The following CELSR2 variants were observed in gnomAD, a reference collection of about 807,000 sequenced individuals.
CELSR2 encodes EGF-like protein 2.
In CELSR2, 81 loss-of-function variants were observed where a neutral mutation model predicts 251.6. The ratio of observed to expected loss-of-function variants is 0.32; its 90% CI spans 0.27 to 0.39. The LOEUF (loss-of-function observed/expected upper bound fraction) is 0.39, where lower values mean the gene tolerates loss of function less well. Ranked by LOEUF, CELSR2 falls within the 10% of genes least tolerant of loss-of-function variation. CELSR2 has a pLI of 1.00. For synonymous variants in CELSR2, 1,721 were observed against 1,670.5 expected (o/e 1.03, Z -0.74); for missense variants, 3,365 against 3,947.7 (o/e 0.85, Z 3.96).
chr1:109,253,380 C>G lies in CELSR2; in HGVS notation c.3301C>G (p.Leu1101Val). The G allele has an allele frequency of 1.2e-6, 2 of 1,612,138 alleles. No individual in the cohort carries two copies. The highest frequency in any genetic ancestry group is 1.7e-6 in the Non-Finnish European group (2 of 1,179,670). ...GCCTCTGGAGGCCATCATGAGCGTGCTGGTGTCAGGTAAGGAAGGGCCCAG... is the reference window on the plus strand; with the variant it reads ...GCCTCTGGAGGCCATCATGAGCGTGGTGGTGTCAGGTAAGGAAGGGCCCAG... ...NRPLEAIMSV[L>V]VSDGVHSVTA... The change falls in exon 1 of 34, where the codon CTG (leucine) becomes GTG (valine). Residue 1101 changes from leucine to valine, a missense_variant. By Grantham distance (32) the Leu-to-Val change is conservative. Around this residue, in one of 5 missense-constraint regions of CELSR2, gnomAD observed 505 missense variants for 660.0 expected, o/e 0.77. Coordinates refer to ENST00000271332, the MANE Select transcript of CELSR2 (RefSeq NM_001408.3).
In CELSR2 at chr1:109,272,669, G is replaced by T. The variant is rs1422064505; in HGVS notation, c.8084G>T (p.Gly2695Val). The change falls in exon 30 of 34, where the codon GGG becomes GTG. Residue 2695 changes from glycine to valine, a missense_variant. Gly to Val is a moderately radical substitution (Grantham distance 109, BLOSUM62 -3). This residue lies in a region of CELSR2 where 2,093 missense variants were observed against 2,382.8 expected (regional missense o/e 0.88). Coordinates refer to ENST00000271332, the MANE Select transcript of CELSR2 (RefSeq NM_001408.3). ...REESALNPGQ[G>V]PPGLGDPGSL... ...GAGTCCGCACTGAACCCTGGCCAAG[G>T]GCCCCCTGGCCTGGGGGATCCAGGC... 2 of 1,613,606 alleles carry T rather than the reference G, an allele frequency of 1.2e-6. No individual in the cohort carries two copies. Among genetic ancestry groups the T allele is most frequent in the East Asian group, 2.2e-5 (1 of 44,902 alleles).
At position 109,273,190 on chromosome 1, in the gene CELSR2, C is replaced by T. The variant is rs781001761; in HGVS notation, c.8363C>T (p.Ala2788Val). 1 of 1,613,036 alleles carries T rather than the reference C, an allele frequency of 6.2e-7. No individual in the cohort carries two copies. Among genetic ancestry groups the T allele is most frequent in the Non-Finnish European group, 8.5e-7 (1 of 1,179,672 alleles). ...GATGGGGGCCCAGGGCCTGGCAAGGCCCCCTGGCCAGGAGACTTTGGGACC... is the reference window on the plus strand; with the variant it reads ...GATGGGGGCCCAGGGCCTGGCAAGGTCCCCTGGCCAGGAGACTTTGGGACC... ...PKDGGPGPGK[A>V]PWPGDFGTTA... Residue 2788 changes from alanine (A) to valine (V), a missense_variant, in exon 32 of 34, where the codon GCC (alanine) becomes GTC (valine). Physicochemically the swap from Ala to Val is moderately conservative, Grantham distance 64 (BLOSUM62 0). Coordinates refer to ENST00000271332, the MANE Select transcript of CELSR2 (RefSeq NM_001408.3).
Position 109,265,318 on chromosome 1 carries a change from G to C in CELSR2, c.5727+7G>C. The stretch of plus-strand genomic sequence containing the variant: ...CGGCGAGTGCCACTGCAAGGTGACA[G>C]CCCCAAGCAAGCCTCCACTGTGGCC... On this transcript the variant is annotated splice_region_variant and intron_variant, in intron 13 of 33. Transcript: ENST00000271332. The C allele has an allele frequency of 3.1e-6, 5 of 1,593,794 alleles. No individual in the cohort carries two copies. The highest frequency in any genetic ancestry group is 4.3e-6 in the Non-Finnish European group (5 of 1,169,334).
In CELSR2 at chr1:109,263,742, G is replaced by A; in HGVS notation, c.4966G>A (p.Ala1656Thr). ...CCAGGCCGACGGTGTCCTGCTGCAG[G>A]CCATCACCAGGGGGCGCAGCACCAT... ...TRQADGVLLQ[A>T]ITRGRSTITL... is the part of the protein sequence containing the mutation. Residue 1656 changes from alanine (A) to threonine (T), a missense_variant, in exon 9 of 34, where the codon GCC becomes ACC. Ala to Thr is a moderately conservative substitution (Grantham distance 58, BLOSUM62 0). This residue lies in a region of CELSR2 where 2,093 missense variants were observed against 2,382.8 expected (regional missense o/e 0.88). Coordinates refer to ENST00000271332, the MANE Select transcript of CELSR2 (RefSeq NM_001408.3). 6.2e-7 allele frequency: 1 copy of A among 1,613,716 alleles called. No homozygotes were observed. Among genetic ancestry groups the A allele is most frequent in the Non-Finnish European group, 8.5e-7 (1 of 1,179,986 alleles).
Position 109,264,953 on chromosome 1 carries a change from C to T in CELSR2, c.5550C>T (p.Pro1850=), listed in dbSNP as rs1479742062. 6.2e-7 allele frequency: 1 copy of T among 1,614,076 alleles called. No homozygotes were observed. The highest frequency in any genetic ancestry group is 8.5e-7 in the Non-Finnish European group (1 of 1,180,046). Residue 1850 remains proline, a synonymous_variant, in exon 12 of 34, where the codon CCC becomes CCT. Transcript: ENST00000271332. ...TGTGTACCCGCAAGCCCAGTGCCCC[C>T]CATGGCTATACCTGCGAGTGTCCCC... ...QSVCTRKPSA[P]HGYTCECPPN... is the part of the protein sequence containing the mutation.
At chr1:109,270,905 C>T in intron 24 of CELSR2, 22 bp from the exon 25 acceptor site, 1 of 1,574,308 alleles carries the variant, frequency 6.4e-7, no homozygotes, top group Non-Finnish European at 8.7e-7. Flanking sequence ...CTCCACTGCT[C>T]CCGTCTGTCT....
At position 109,273,561 on chromosome 1, in the gene CELSR2, C is replaced by T. The variant is rs202182372; in HGVS notation, c.8635C>T (p.Pro2879Ser). The T allele has an allele frequency of 6.4e-7, 1 of 1,568,520 alleles. No individual in the cohort carries two copies. The highest frequency in any genetic ancestry group is 1.2e-5 in the South Asian group (1 of 86,272). The change falls in exon 33 of 34, where the codon CCT becomes TCT. Residue 2879 changes from proline (P) to serine (S), a missense_variant. Pro to Ser is a moderately conservative substitution (Grantham distance 74). Around this residue, in one of 5 missense-constraint regions of CELSR2, gnomAD observed 2,093 missense variants for 2,382.8 expected, o/e 0.88. Transcript: ENST00000271332. The part of the protein sequence containing the change: ...SASEGSRGGP[P>S]PRPPPRQSLQ... ...TAGTGAGGGCAGCCGGGGAGGCCCC[C>T]CTCCCCGCCCACCGCCCCGGCAGAG... is the stretch of plus-strand genomic sequence containing the variant.
Position 109,272,340 on chromosome 1 carries a change from C to T in CELSR2, c.7989C>T (p.Ala2663=), listed in dbSNP as rs143025740. Residue 2663 remains alanine (A), a synonymous_variant, in exon 29 of 34, where the codon GCC becomes GCT. Coordinates refer to ENST00000271332, the MANE Select transcript of CELSR2 (RefSeq NM_001408.3). ...TGTACCAGCCCTACGGAGACTCGGC[C>T]GGCTCTCTGCACAGCACCAGTCGCT... ...GRLYQPYGDS[A]GSLHSTSRSG... is the part of the protein sequence containing the mutation. The T allele has an allele frequency of 3.0e-5, 49 of 1,612,468 alleles. No individual in the cohort carries two copies. The highest frequency in any genetic ancestry group is 2.2e-5 in the South Asian group (2 of 91,064).
At position 109,272,261 on chromosome 1, in the gene CELSR2, C is replaced by T. The variant is rs367611042; in HGVS notation, c.7927-17C>T. 5.7e-6 allele frequency: 9 copies of T among 1,565,226 alleles called. No homozygotes were observed. Among genetic ancestry groups the T allele is most frequent in the Non-Finnish European group, 6.9e-6 (8 of 1,152,048 alleles). ...CATCCCACTCCCCACTTACTGACCT[C>T]TCTGTTCCCTGCCTAGTCCTACAAC... is the stretch of plus-strand genomic sequence containing the variant. On this transcript the variant is annotated splice_polypyrimidine_tract_variant and intron_variant, in intron 28 of 33. Coordinates refer to ENST00000271332, the MANE Select transcript of CELSR2 (RefSeq NM_001408.3).
intron 1 of CELSR2, among the ~76,000 whole-genome samples, chr1:109,254,760 C>T (rs1248769840): frequency 1.3e-5 from 2 of 152,184 alleles, no homozygotes; most frequent in Non-Finnish European, 2.9e-5. Flanking sequence ...CTGCCCCACC[C>T]TTCAAAGTAG....
At chr1:109,260,537 A>G (rs1655989676) in intron 2 of CELSR2, among the ~76,000 whole-genome samples, 1 of 152,116 alleles carries the variant, frequency 6.6e-6, no homozygotes, top group Non-Finnish European at 1.5e-5. Flanking sequence ...AGGGAGGGAA[A>G]CTGATCTCAG....
rs375870109 is a variant in CELSR2, at chr1:109,261,227, G to C, written c.4144G>C (p.Gly1382Arg). Residue 1382 changes from glycine to arginine, a missense_variant, in exon 3 of 34, where the codon GGC becomes CGC. By Grantham distance (125) the Gly-to-Arg change is moderately radical. Around this residue, in one of 5 missense-constraint regions of CELSR2, gnomAD observed 2,093 missense variants for 2,382.8 expected, o/e 0.88. Coordinates refer to ENST00000271332, the MANE Select transcript of CELSR2 (RefSeq NM_001408.3). The surrounding 1 kb of genome is among the most constrained non-coding windows in gnomAD (Gnocchi z 4.8). ...CGCCCACTCCTTCATCACCTTTCGC[G>C]GCCTGCGCCAGCGTTTCCACTTCAC... ...FPAHSFITFRGLRQRFHFTLA... is the reference protein window; with the variant it reads ...FPAHSFITFRRLRQRFHFTLA... 1.2e-6 allele frequency: 2 copies of C among 1,613,754 alleles called. No homozygotes were observed. The highest frequency in any genetic ancestry group is 1.7e-6 in the Non-Finnish European group (2 of 1,180,032).
In CELSR2 at chr1:109,261,958, C is replaced by A; in HGVS notation, c.4386+62C>A. The stretch of plus-strand genomic sequence containing the variant: ...TCTTGCCTCAGGTGCTTACCCAGCC[C>A]TGAGTGGCATTGCCTCCAGGCTTGG... On this transcript the variant is annotated intron_variant, in intron 5 of 33. Coordinates refer to ENST00000271332, the MANE Select transcript of CELSR2 (RefSeq NM_001408.3). This position sits in a 1 kb window ranked among gnomAD's most constrained non-coding sequence, Gnocchi z 4.8. 6.7e-7 allele frequency: 1 copy of A among 1,496,376 alleles called. No homozygotes were observed. The allele number at this position is 1,496,376 out of a possible 1,614,324, so 92.7% of individuals were successfully genotyped here. A position where few individuals can be genotyped will look rare whatever the true frequency, so the allele number is the denominator to read the frequency against.
rs755480648 is a variant in CELSR2 at position 109,272,363 on chromosome 1, G to A, written c.8012G>A (p.Arg2671His). The change falls in exon 29 of 34, where the codon CGC becomes CAC. Residue 2671 changes from arginine to histidine, a missense_variant. Physicochemically the swap from Arg to His is conservative, Grantham distance 29 (BLOSUM62 0). Around this residue, in one of 5 missense-constraint regions of CELSR2, gnomAD observed 2,093 missense variants for 2,382.8 expected, o/e 0.88. Transcript: ENST00000271332. ...DSAGSLHSTSRSGKSQPSYIP... is the reference protein window; with the variant it reads ...DSAGSLHSTSHSGKSQPSYIP... ...GCCGGCTCTCTGCACAGCACCAGTC[G>A]CTCGGGCAAGAGTCAGCCCAGCTAC... 9 of 1,612,144 alleles carry A rather than the reference G, an allele frequency of 5.6e-6. No homozygotes were observed. Among genetic ancestry groups the A allele is most frequent in the East Asian group, 4.5e-5 (2 of 44,824 alleles).
chr1:109,273,888 G>A, intron 33 of CELSR2, 134 bp from the exon 34 acceptor site: 1 of 1,296,872 alleles, frequency 7.7e-7, no homozygotes. Context: ...CCCAGCCTAG[G>A]GCAGAGTGCG....
rs202054839 is a variant in CELSR2, at chr1:109,262,385, C to T, written c.4485C>T (p.Phe1495=). ...GTGACACAGGAGTGGCCTTGCGCTT[C>T]GGATCTGTCCTGGGCAACTACTCCT... is the stretch of plus-strand genomic sequence containing the variant. ...DGCDTGVALR[F]GSVLGNYSCA... is the part of the protein sequence containing the mutation. Residue 1495 remains phenylalanine (F), a synonymous_variant, in exon 6 of 34, where the codon TTC becomes TTT. Coordinates refer to ENST00000271332, the MANE Select transcript of CELSR2 (RefSeq NM_001408.3). 3 of 1,614,158 alleles carry T rather than the reference C, an allele frequency of 1.9e-6. No homozygotes were observed. The East Asian group carries it at 6.7e-5, about 36-fold the overall frequency.
At position 109,250,677 on chromosome 1, in the gene CELSR2, G is replaced by A. The variant is rs1225253786; in HGVS notation, c.598G>A (p.Val200Ile). 6 of 1,614,008 alleles carry A rather than the reference G, an allele frequency of 3.7e-6. No individual in the cohort carries two copies. Among genetic ancestry groups the A allele is most frequent in the African/African-American group, 1.3e-5 (1 of 74,916 alleles). Residue 200 changes from valine (V) to isoleucine (I), a missense_variant, in exon 1 of 34, where the codon GTT (valine) becomes ATT (isoleucine). Physicochemically the swap from Val to Ile is conservative, Grantham distance 29 (BLOSUM62 3). Coordinates refer to ENST00000271332, the MANE Select transcript of CELSR2 (RefSeq NM_001408.3). The surrounding 1 kb of genome is among the most constrained non-coding windows in gnomAD (Gnocchi z 4.4). ...GGAGAACCAGCCAGCAGGCACCCCT[G>A]TTGCATCCCTGAGGGCCATCGACCC... ...VPENQPAGTP[V>I]ASLRAIDPDE...
chr1:109,249,990 G>T lies in CELSR2; in HGVS notation c.-90G>T. ...GAGGCCCCCGGGGACTGGCGCCCTG[G>T]CCCGGGCATGAGGCGCGGCGGGGCC... On this transcript the variant is annotated 5_prime_UTR_variant, in exon 1 of 34. Transcript: ENST00000271332. The T allele has an allele frequency of 1.7e-6, 2 of 1,177,122 alleles. No individual in the cohort carries two copies. Among genetic ancestry groups the T allele is most frequent in the Non-Finnish European group, 2.1e-6 (2 of 948,226 alleles). The allele number at this position is 1,177,122 out of a possible 1,614,324, so 72.9% of individuals were successfully genotyped here. A position where few individuals can be genotyped will look rare whatever the true frequency, so the allele number is the denominator to read the frequency against.
chr1:109,264,084 G>A lies in CELSR2; in HGVS notation c.5008G>A (p.Glu1670Lys). ...GRSTITLQLR[E>K]GHVMLSVEGT... ...TCTTTCCTCCTGGTGTCAGCTACGAGAGGGCCACGTGATGCTGAGCGTGGA... is the reference window on the plus strand; with the variant it reads ...TCTTTCCTCCTGGTGTCAGCTACGAAAGGGCCACGTGATGCTGAGCGTGGA... The change falls in exon 10 of 34, where the codon GAG becomes AAG. Residue 1670 changes from glutamate (E) to lysine (K), a missense_variant. Physicochemically the swap from Glu to Lys is moderately conservative, Grantham distance 56 (BLOSUM62 1). This residue lies in a region of CELSR2 where 2,093 missense variants were observed against 2,382.8 expected (regional missense o/e 0.88). Transcript: ENST00000271332. 6.3e-7 allele frequency: 1 copy of A among 1,576,262 alleles called. No individual in the cohort carries two copies. The highest frequency in any genetic ancestry group is 8.7e-7 in the Non-Finnish European group (1 of 1,155,390).
Sources: gnomAD v4.1 joint callset for allele counts (sites outside exome capture counted in the v4.1 genomes callset) on GRCh38, gnomAD v4.1.1 for gene constraint, gnomAD v4.1.1 regional missense constraint, Gnocchi (gnomAD v3.1) non-coding constraint, MANE v1.5 for transcripts, NCBI Gene and HGNC (gene_info 2026-07-23, HGNC 2026-07-21) for gene names.